The following AFAP1 variants were observed in gnomAD, a reference collection of about 807,000 sequenced individuals.
AFAP1 encodes the protein actin filament-associated protein 1.
AFAP1 carries 75 observed loss-of-function variants against 93.9 expected under a neutral mutation model. The ratio of observed to expected loss-of-function variants is 0.80; its 90% CI spans 0.66 to 0.97. The LOEUF is 0.97. Ranked by LOEUF, AFAP1 falls within the 50% of genes least tolerant of loss-of-function variation. The probability of loss-of-function intolerance (pLI) is 0.00; values close to 1 mark genes in which losing one functional copy is unlikely to be tolerated. For synonymous variants in AFAP1, 517 were observed against 430.7 expected (o/e 1.20, Z -2.48); for missense variants, 1,201 against 1,050.8 (o/e 1.14, Z -1.98).
chr4:7,913,813 C>G (rs1479969744), intron 1 of AFAP1, among the ~76,000 whole-genome samples: 1 of 152,068 alleles, frequency 6.6e-6, no homozygotes, highest in Non-Finnish European at 1.5e-5. Context: ...AAATAAATGC[C>G]TAGGGTCTAT....
intron 10 of AFAP1, chr4:7,798,949 G>A: frequency 1.0e-6 from 1 of 986,840 alleles, no homozygotes; most frequent in Non-Finnish European, 1.2e-6. Context: ...CAGATCTGCT[G>A]TCAGAGCTCT....
chr4:7,870,429 G>A (rs1417029333), intron 2 of AFAP1, among the ~76,000 whole-genome samples: 2 of 152,174 alleles, frequency 1.3e-5, no homozygotes, highest in Non-Finnish European at 2.9e-5. Flanking sequence ...GGAGGCCGAG[G>A]CAGGCAGACT....
intron 11 of AFAP1, among the ~76,000 whole-genome samples, chr4:7,789,357 G>C (rs1376116562): frequency 2.0e-5 from 3 of 152,172 alleles, no homozygotes; most frequent in East Asian, 1.9e-4. Context: ...GTGGCCAAGA[G>C]AACTGCCTCC....
chr4:7,906,703 C>G (rs1187884301), intron 1 of AFAP1, among the ~76,000 whole-genome samples: 1 of 152,368 alleles, frequency 6.6e-6, no homozygotes, highest in African/African-American at 2.4e-5. Context: ...GACTCAAAAG[C>G]TGGCTTTTGT....
At chr4:7,848,952 A>G (rs924067814) in intron 4 of AFAP1, among the ~76,000 whole-genome samples, 72 of 152,350 alleles carry the variant, frequency 4.7e-4, no homozygotes, top group African/African-American at 1.5e-3. Context: ...CACACTGCAC[A>G]TCAGGCACAT....
Position 7,761,279 on chromosome 4 carries a change from G to C in AFAP1, c.*2486C>G, listed in dbSNP as rs555821651. On this transcript the variant is annotated 3_prime_UTR_variant, in exon 18 of 18. Transcript: ENST00000420658. ...AGGAACCCACTGTCAGGCCCCTCCAGGGCACCCATTTTGAAAGGCTCCATG... is the reference window on the plus strand; with the variant it reads ...AGGAACCCACTGTCAGGCCCCTCCACGGCACCCATTTTGAAAGGCTCCATG... 2.7e-4 allele frequency: 41 copies of C among 152,378 alleles called. No individual in the cohort carries two copies. Among genetic ancestry groups the C allele is most frequent in the African/African-American group, 8.7e-4 (36 of 41,594 alleles). The allele number at this position is 152,378 out of a possible 1,614,324, so 9.4% of individuals were successfully genotyped here. A position where few individuals can be genotyped will look rare whatever the true frequency, so the allele number is the denominator to read the frequency against.
At chr4:7,916,494 ATT>A (rs1164977022) in intron 1 of AFAP1, among the ~76,000 whole-genome samples, 2 of 152,084 alleles carry the variant, frequency 1.3e-5, no homozygotes, top group African/African-American at 2.4e-5. Context: ...ACAAGTATCA[ATT>A]TTCCTTCCAA....
intron 9 of AFAP1, among the ~76,000 whole-genome samples, chr4:7,801,730 T>TGTG (rs1719049593): frequency 6.6e-6 from 1 of 150,814 alleles, no homozygotes; most frequent in Non-Finnish European, 1.5e-5. Flanking sequence ...GCCTCAAAAA[T>TGTG]GTCACACATA....
At chr4:7,835,777 T>TGAAAAC (rs1712217773) in intron 6 of AFAP1, among the ~76,000 whole-genome samples, 1 of 127,218 alleles carries the variant, frequency 7.9e-6, no homozygotes, top group Admixed American at 7.8e-5. Context: ...CCTGGGTGGC[T>TGAAAAC]CTTGAATGGA....
chr4:7,863,416 AGAAAGAAC>A (rs945823322), intron 3 of AFAP1, among the ~76,000 whole-genome samples: 10 of 152,148 alleles, frequency 6.6e-5, no homozygotes, highest in South Asian at 2.1e-4. Flanking sequence ...GAGACTGCCA[AGAAAGAAC>A]GAAAGAACGA....
chr4:7,807,382 G>A (rs972019737), intron 9 of AFAP1, among the ~76,000 whole-genome samples: 12 of 152,156 alleles, frequency 7.9e-5, no homozygotes, highest in African/African-American at 2.7e-4. Flanking sequence ...AGAGGTCAGC[G>A]GGCCCAGCAC....
intron 6 of AFAP1, among the ~76,000 whole-genome samples, chr4:7,835,134 T>A (rs1365203181): frequency 3.3e-5 from 2 of 59,804 alleles, no homozygotes; most frequent in Non-Finnish European, 6.5e-5. Context: ...GGCCTTAAGG[T>A]TACCTGGGTG....
chr4:7,827,151 C>T (rs1275088560), intron 6 of AFAP1, among the ~76,000 whole-genome samples: 2 of 151,978 alleles, frequency 1.3e-5, no homozygotes, highest in East Asian at 1.9e-4. Context: ...CCCGTAAGCC[C>T]GAGTACAGGT....
chr4:7,766,182 G>A (rs188340119), intron 17 of AFAP1, among the ~76,000 whole-genome samples: 47 of 152,286 alleles, frequency 3.1e-4, no homozygotes, highest in African/African-American at 7.0e-4. Context: ...CAGACTCGGC[G>A]GAAGTGTTCT....
At chr4:7,850,275 G>T (rs984202350) in intron 4 of AFAP1, among the ~76,000 whole-genome samples, 1 of 152,186 alleles carries the variant, frequency 6.6e-6, no homozygotes, top group African/African-American at 2.4e-5. Context: ...AGAAGCAGGT[G>T]TAACTACCTG....
intron 2 of AFAP1, among the ~76,000 whole-genome samples, chr4:7,869,162 G>GGAAAA (rs367925076): frequency 3.3e-5 from 5 of 151,216 alleles, no homozygotes; most frequent in South Asian, 2.1e-4. Context: ...AAAGGGAAAG[G>GGAAAA]GAAAAGAAAA....
Position 7,772,938 on chromosome 4 carries a change from T to C in AFAP1, c.2135A>G (p.Glu712Gly). 1.2e-6 allele frequency: 2 copies of C among 1,613,836 alleles called. No individual in the cohort carries two copies. The highest frequency in any genetic ancestry group is 1.7e-6 in the Non-Finnish European group (2 of 1,180,022). ...LEEECRQKEA[E>G]RVSLELELTE... The stretch of plus-strand genomic sequence containing the variant: ...CAGCTCCAGCTCCAGGCTGACACGC[T>C]CCGCCTCCTTCTGCCGGCACTCCTC... Residue 712 changes from glutamate to glycine, a missense_variant, in exon 16 of 18, where the codon GAG (glutamate) becomes GGG (glycine). Physicochemically the swap from Glu to Gly is moderately conservative, Grantham distance 98. Transcript: ENST00000420658.
At chr4:7,855,880 A>G (rs1274776719) in intron 3 of AFAP1, among the ~76,000 whole-genome samples, 1 of 152,152 alleles carries the variant, frequency 6.6e-6, no homozygotes, top group Non-Finnish European at 1.5e-5. Context: ...CCCACGCAGG[A>G]CTGGGCCTGT....
intron 4 of AFAP1, among the ~76,000 whole-genome samples, chr4:7,848,082 A>AGGAGGGAG (rs1359421598): frequency 2.2e-5 from 3 of 138,990 alleles, no homozygotes; most frequent in African/African-American, 7.9e-5. Flanking sequence ...GGTGGACGGA[A>AGGAGGGAG]GGAGGGAGGG....
Sources: gnomAD v4.1 joint callset for allele counts (sites outside exome capture counted in the v4.1 genomes callset) on GRCh38, gnomAD v4.1.1 for gene constraint, MANE v1.5 for transcripts, NCBI Gene and HGNC (gene_info 2026-07-23, HGNC 2026-07-21) for gene names.